Variants in MRTFA observed in about 807,000 individuals in gnomAD.
The protein encoded by MRTFA is myocardin related transcription factor A, also known as myocardin-related transcription factor A.
Under a neutral mutation model 83.5 loss-of-function variants are expected in MRTFA, and 20 were observed. The observed-to-expected ratio is 0.24, with a 90% CI of 0.17 to 0.35. The LOEUF is 0.35. MRTFA is among the 10% of genes least tolerant of loss of function. The pLI is 1.00. For missense variants in MRTFA, 1,200 were observed against 1,224.7 expected, an observed-to-expected ratio of 0.98 and a Z score of 0.30; for synonymous variants, 659 against 541.2, an observed-to-expected ratio of 1.22 and a Z score of -3.02.
intron 4 of MRTFA, among the ~76,000 whole-genome samples, chr22:40,458,440 A>G (rs889954921): frequency 6.6e-6 from 1 of 152,134 alleles, no homozygotes; most frequent in African/African-American, 2.4e-5. Context: ...CTTCAACTTT[A>G]TGGAAAGGTC....
At chr22:40,554,529 A>T (rs1313685522) in intron 2 of MRTFA, among the ~76,000 whole-genome samples, 1 of 152,066 alleles carries the variant, frequency 6.6e-6, no homozygotes, top group Non-Finnish European at 1.5e-5. Flanking sequence ...GTGAAGAAGG[A>T]TGTGTTTGCT....
chr22:40,415,582 GC>G (rs1224905116), intron 14 of MRTFA: 2 of 152,100 alleles, frequency 1.3e-5, no homozygotes, highest in Non-Finnish European at 2.9e-5. Context: ...GGCACCACAG[GC>G]CCAGACTTCT....
chr22:40,496,169 C>T (rs1001719867), intron 3 of MRTFA, among the ~76,000 whole-genome samples: 2 of 152,106 alleles, frequency 1.3e-5, no homozygotes, highest in African/African-American at 2.4e-5. Context: ...GCTGCTGTGA[C>T]CTTGAGATAT....
At chr22:40,441,063 G>C (rs1400944882) in intron 4 of MRTFA, among the ~76,000 whole-genome samples, 2 of 152,180 alleles carry the variant, frequency 1.3e-5, no homozygotes, top group Non-Finnish European at 2.9e-5. Context: ...TCTAGAAAGA[G>C]AAGCCCCCAA....
At chr22:40,632,534 C>T (rs1008371048) in intron 1 of MRTFA, among the ~76,000 whole-genome samples, 7 of 152,120 alleles carry the variant, frequency 4.6e-5, no homozygotes, top group African/African-American at 1.7e-4. Flanking sequence ...CTCCCAGGTT[C>T]AAGTGATTCT....
intron 3 of MRTFA, among the ~76,000 whole-genome samples, chr22:40,467,824 T>C (rs1184086097): frequency 1.3e-5 from 2 of 152,206 alleles, no homozygotes; most frequent in African/African-American, 4.8e-5. Flanking sequence ...GCATAAGTCT[T>C]TAATCCTTTA....
intron 3 of MRTFA, among the ~76,000 whole-genome samples, chr22:40,471,105 G>T (rs55839425): frequency 1.3e-5 from 2 of 151,330 alleles, no homozygotes. Context: ...AAGGAGGCCG[G>T]GTGTGGTAGC....
chr22:40,591,682 A>G (rs973077195), intron 2 of MRTFA, among the ~76,000 whole-genome samples: 1 of 152,250 alleles, frequency 6.6e-6, no homozygotes, highest in Admixed American at 6.5e-5. Context: ...ATTCTGTAGT[A>G]TATAAATTAT....
At chr22:40,511,125 A>G (rs1231836062) in intron 3 of MRTFA, among the ~76,000 whole-genome samples, 1 of 152,214 alleles carries the variant, frequency 6.6e-6, no homozygotes, top group East Asian at 1.9e-4. Flanking sequence ...GGAGAGTTGA[A>G]CTATAGCCAG....
rs1453161037 is a variant in MRTFA at position 40,451,961 on chromosome 22, GTTTTTTTTTTTTGGTTTTTTTTTTTTT to G, written c.307+11233_307+11259del. On this transcript the variant is annotated intron_variant, in intron 4 of 14. Transcript: ENST00000355630. ...GCAAATAACATCCCACCTGGCTGAAGTTTTTTTTTTTTGGTTTTTTTTTTTTTTTTTTTTTTTTTTGAGACAGAGTCT... is the reference window on the plus strand; with the variant it reads ...GCAAATAACATCCCACCTGGCTGAAGTTTTTTTTTTTTTGAGACAGAGTCT... Among the ~76,000 whole-genome samples, 128 of 112,682 alleles carry G rather than the reference GTTTTTTTTTTTTGGTTTTTTTTTTTTT, an allele frequency of 1.1e-3. 1 individual carries two copies. The Middle Eastern group carries it at 0.032, about 28-fold the overall frequency. 73.9% of individuals were successfully genotyped at this position (112,682 alleles called of 152,430 possible).
intron 1 of MRTFA, among the ~76,000 whole-genome samples, chr22:40,602,852 A>G (rs1014714742): frequency 1.3e-5 from 2 of 152,170 alleles, no homozygotes; most frequent in African/African-American, 4.8e-5. Flanking sequence ...ATCTCAAAAA[A>G]CAATAGTTAA....
intron 3 of MRTFA, among the ~76,000 whole-genome samples, chr22:40,518,437 AC>A (rs1390506763): frequency 6.6e-6 from 1 of 151,396 alleles, no homozygotes; most frequent in African/African-American, 2.4e-5. Flanking sequence ...AAAAAAAAAA[AC>A]AAAACCTACA....
chr22:40,492,458 G>A (rs1393066296), intron 3 of MRTFA, among the ~76,000 whole-genome samples: 1 of 152,188 alleles, frequency 6.6e-6, no homozygotes, highest in African/African-American at 2.4e-5. Flanking sequence ...TCAATGTGTA[G>A]AGCTGGAAGA....
At chr22:40,424,141 G>T in intron 8 of MRTFA, 65 bp downstream of exon 8, 1 of 1,468,928 alleles carries the variant, frequency 6.8e-7, no homozygotes. Flanking sequence ...GCCCAGGAGA[G>T]AGACCTTACT....
At chr22:40,624,425 C>CAAAAA (rs35882157) in intron 1 of MRTFA, among the ~76,000 whole-genome samples, 2 of 62,758 alleles carry the variant, frequency 3.2e-5, no homozygotes, top group Non-Finnish European at 7.2e-5. Flanking sequence ...GACTCCAACT[C>CAAAAA]AAAAAAAAAA....
chr22:40,625,719 C>T (rs1008784027), intron 1 of MRTFA, among the ~76,000 whole-genome samples: 1 of 152,068 alleles, frequency 6.6e-6, no homozygotes, highest in Non-Finnish European at 1.5e-5. Context: ...GCAGAGATTG[C>T]AGTGAGCCAA....
intron 4 of MRTFA, among the ~76,000 whole-genome samples, chr22:40,449,579 C>T (rs1464732621): frequency 1.3e-5 from 2 of 152,104 alleles, no homozygotes; most frequent in African/African-American, 2.4e-5. Context: ...CCACTAAATT[C>T]GGAAAACATT....
intron 3 of MRTFA, among the ~76,000 whole-genome samples, chr22:40,525,425 C>T (rs1048127981): frequency 2.0e-5 from 3 of 151,706 alleles, no homozygotes; most frequent in African/African-American, 7.3e-5. Context: ...TGCTTGAGCC[C>T]GGGAGACAGA....
intron 3 of MRTFA, among the ~76,000 whole-genome samples, chr22:40,497,359 T>C (rs1411550162): frequency 1.3e-5 from 2 of 151,794 alleles, no homozygotes; most frequent in African/African-American, 2.4e-5. Flanking sequence ...GAATGGAGAA[T>C]AGAGAGAAAG....
Sources: allele counts gnomAD v4.1 joint callset (sites outside exome capture counted in the v4.1 genomes callset), GRCh38; gene constraint gnomAD v4.1.1; transcripts MANE v1.5; gene names NCBI Gene and HGNC (gene_info 2026-07-23, HGNC 2026-07-21).